PCNX1: variants seen among roughly 807,000 people sequenced by gnomAD.
The protein encoded by PCNX1 is pecanex-like protein 1.
In PCNX1, 78 loss-of-function variants were observed where a neutral mutation model predicts 242.2. That is an observed-to-expected ratio of 0.32 (90% CI 0.27 to 0.39). The LOEUF is 0.39. Among genes scored for constraint, PCNX1 ranks in the 10% least tolerant of loss-of-function variants. The probability of loss-of-function intolerance (pLI) is 1.00; values close to 1 mark genes in which losing one functional copy is unlikely to be tolerated. For synonymous variants in PCNX1, 1,024 were observed against 1,032.9 expected (o/e 0.99, Z 0.17); for missense variants, 2,581 against 2,856.5 (o/e 0.90, Z 2.20).
chr14:71,072,774 CAG>C (rs1371157095), intron 26 of PCNX1, among the ~76,000 whole-genome samples: 2 of 152,102 alleles, frequency 1.3e-5, no homozygotes, highest in Non-Finnish European at 2.9e-5. Context: ...ATTAGTGTAA[CAG>C]ATGGTATTTT....
intron 35 of PCNX1, 64 bp downstream of exon 35, chr14:71,109,656 T>C: frequency 6.3e-7 from 1 of 1,596,736 alleles, no homozygotes. Flanking sequence ...CTCACTTGGA[T>C]GCATGGTTTT....
intron 2 of PCNX1, among the ~76,000 whole-genome samples, chr14:70,960,692 G>A (rs1282812373): frequency 6.6e-6 from 1 of 152,066 alleles, no homozygotes; most frequent in East Asian, 1.9e-4. Flanking sequence ...AGGAAATAAA[G>A]GGTATTCAAT....
chr14:70,991,131 C>G (rs1217019900), intron 7 of PCNX1, among the ~76,000 whole-genome samples: 1 of 151,622 alleles, frequency 6.6e-6, no homozygotes, highest in Non-Finnish European at 1.5e-5. Context: ...TCCAGCCAAT[C>G]ACATACAATT....
At position 71,114,993 on chromosome 14, in the gene PCNX1, G is replaced by GTT. The variant is rs1183237849; in HGVS notation, c.*5060_*5061dup. ...TGCTTATGCTTTTTAAAAGCTTATA[G>GTT]TTTAAGTAAAAGTAAAATGTAAAAA... On this transcript the variant is annotated 3_prime_UTR_variant, in exon 36 of 36. Transcript: ENST00000304743. 7.1e-6 allele frequency: 1 copy of GTT among 141,238 alleles called. No homozygotes were observed. The highest frequency in any genetic ancestry group is 1.5e-5 in the Non-Finnish European group (1 of 65,854). The allele number at this position is 141,238 out of a possible 1,614,324, so 8.7% of individuals were successfully genotyped here.
At chr14:71,094,409 A>C (rs2141716142) in intron 30 of PCNX1, among the ~76,000 whole-genome samples, 1 of 152,352 alleles carries the variant, frequency 6.6e-6, no homozygotes, top group South Asian at 2.1e-4. Flanking sequence ...CTGTACACTT[A>C]AAATGGGTGC....
chr14:71,031,778 C>T lies in PCNX1; in HGVS notation c.3559-1651C>T, dbSNP rs544893252. On this transcript the variant is annotated intron_variant, in intron 16 of 35. Transcript: ENST00000304743. Reference sequence around the variant, plus strand: ...TTTTTGGGAAACTTCTCAGCCTCTTCCTACCAGTGCAGGGAGCCCATGCAT... The same window carrying T: ...TTTTTGGGAAACTTCTCAGCCTCTTTCTACCAGTGCAGGGAGCCCATGCAT... 142 of 1,440,966 alleles carry T rather than the reference C, an allele frequency of 9.9e-5. No individual in the cohort carries two copies. The African/African-American group carries it at 1.8e-3, about 19-fold the overall frequency. The allele number at this position is 1,440,966 out of a possible 1,614,324, so 89.3% of individuals were successfully genotyped here. A position where few individuals can be genotyped will look rare whatever the true frequency, so the allele number is the denominator to read the frequency against.
rs1293375279 is a variant in PCNX1, at chr14:71,012,978, CT to C, written c.2779-3del. 6.2e-7 allele frequency: 1 copy of C among 1,600,038 alleles called. No homozygotes were observed. Among genetic ancestry groups the C allele is most frequent in the Non-Finnish European group, 8.6e-7 (1 of 1,167,262 alleles). On this transcript the variant is annotated splice_polypyrimidine_tract_variant and splice_region_variant and intron_variant, in intron 10 of 35. Transcript: ENST00000304743. ...TTTTAAGCCTTTCAATGCTGACTTT[CT>C]TTTAGCTCTCTCTCCCACAGATTCG...
chr14:71,012,818 CAAAAA>C, intron 10 of PCNX1, 162 bp from the exon 11 acceptor site: 104 of 454,160 alleles, frequency 2.3e-4, no homozygotes, highest in Middle Eastern at 1.2e-3. Context: ...GACTCTGTCT[CAAAAA>C]AAAAAAAAAA....
chr14:71,047,533 G>A (rs957607820), intron 21 of PCNX1, among the ~76,000 whole-genome samples: 7 of 151,974 alleles, frequency 4.6e-5, no homozygotes, highest in Admixed American at 2.6e-4. Context: ...GAAATATTGA[G>A]AAACTAGAGA....
Position 71,102,165 on chromosome 14 carries a change from A to G in PCNX1, c.5765A>G (p.Asn1922Ser). 1.9e-6 allele frequency: 3 copies of G among 1,614,108 alleles called. No homozygotes were observed. The highest frequency in any genetic ancestry group is 1.1e-5 in the South Asian group (1 of 91,080). Residue 1922 changes from asparagine to serine, a missense_variant, in exon 31 of 36, where the codon AAT (asparagine) becomes AGT (serine). Asn to Ser is a conservative substitution (Grantham distance 46). Transcript: ENST00000304743. The stretch of plus-strand genomic sequence containing the variant: ...CGGCATGTCATGGATGATGGCACCA[A>G]TGAATATAAAATCATCATGCTCAAC... The part of the protein sequence containing the change: ...ALRHVMDDGT[N>S]EYKIIMLNRR...
intron 28 of PCNX1, among the ~76,000 whole-genome samples, chr14:71,086,344 T>G (rs1472374376): frequency 6.6e-6 from 1 of 152,252 alleles, no homozygotes; most frequent in East Asian, 1.9e-4. Flanking sequence ...TTATGGGTCC[T>G]ATTTTCCTGC....
chr14:70,961,108 T>G (rs2058195146), intron 2 of PCNX1, among the ~76,000 whole-genome samples: 2 of 152,170 alleles, frequency 1.3e-5, no homozygotes, highest in Admixed American at 1.3e-4. Flanking sequence ...ATTTATAGAT[T>G]CAATGCCATC....
chr14:70,944,568 T>C (rs2057387220), intron 1 of PCNX1, among the ~76,000 whole-genome samples: 1 of 152,196 alleles, frequency 6.6e-6, no homozygotes, highest in African/African-American at 2.4e-5. Context: ...ACTTTGGGCT[T>C]GGACTTTTGA....
chr14:71,069,863 A>G (rs56709080), intron 26 of PCNX1, among the ~76,000 whole-genome samples: 4,850 of 152,286 alleles, frequency 0.032, 229 homozygotes, highest in African/African-American at 0.11. Flanking sequence ...AAAATCAGAC[A>G]ACAATGAAGT....
At chr14:70,918,164 TATTC>T (rs2056225744) in intron 1 of PCNX1, among the ~76,000 whole-genome samples, 1 of 152,208 alleles carries the variant, frequency 6.6e-6, no homozygotes, top group Admixed American at 6.5e-5. Flanking sequence ...TCAGCAATGT[TATTC>T]ATTTGTGTGT....
intron 16 of PCNX1, 59 bp downstream of exon 16, chr14:71,028,850 T>A (rs2060306563): frequency 9.8e-7 from 1 of 1,021,476 alleles, no homozygotes; most frequent in Non-Finnish European, 1.5e-6. Flanking sequence ...ATGAAGGTTG[T>A]TTTAAAATCA....
At chr14:71,063,788 C>T (rs2061381311) in intron 26 of PCNX1, among the ~76,000 whole-genome samples, 1 of 152,092 alleles carries the variant, frequency 6.6e-6, no homozygotes, top group African/African-American at 2.4e-5. Context: ...AAACAAGTTT[C>T]TTGATCAGTT....
intron 6 of PCNX1, among the ~76,000 whole-genome samples, chr14:70,981,866 A>T (rs532823483): frequency 7.4e-4 from 112 of 152,282 alleles, no homozygotes; most frequent in Non-Finnish European, 1.4e-3. Context: ...CACTTAATGG[A>T]TTACAAAGAA....
At chr14:70,928,309 C>T (rs888139446) in intron 1 of PCNX1, among the ~76,000 whole-genome samples, 3 of 152,114 alleles carry the variant, frequency 2.0e-5, no homozygotes, top group African/African-American at 7.2e-5. Context: ...ATTGCAGTGT[C>T]ATGTTGACAG....
Sources: allele counts gnomAD v4.1 joint callset (sites outside exome capture counted in the v4.1 genomes callset), GRCh38; gene constraint gnomAD v4.1.1; transcripts MANE v1.5; gene names NCBI Gene and HGNC (gene_info 2026-07-23, HGNC 2026-07-21).